Variants in BMP5 observed in about 807,000 individuals in gnomAD.
The protein encoded by BMP5 is bone morphogenetic protein 5.
Under a neutral mutation model 46.6 loss-of-function variants are expected in BMP5, and 23 were observed. The ratio of observed to expected loss-of-function variants is 0.49; its 90% CI spans 0.35 to 0.70. BMP5 has a LOEUF of 0.70. Among genes scored for constraint, BMP5 ranks in the 30% least tolerant of loss-of-function variants. The probability of loss-of-function intolerance (pLI) is 0.00; values close to 1 mark genes in which losing one functional copy is unlikely to be tolerated. For synonymous variants in BMP5, 204 were observed against 191.9 expected, an observed-to-expected ratio of 1.06 and a Z score of -0.52; for missense variants, 545 against 565.6, an observed-to-expected ratio of 0.96 and a Z score of 0.37.
At chr6:55,789,253 G>C (rs1582066088) in intron 3 of BMP5, among the ~76,000 whole-genome samples, 1 of 151,876 alleles carries the variant, frequency 6.6e-6, no homozygotes, top group Admixed American at 6.6e-5. Flanking sequence ...TTCATTCTGA[G>C]TATTGCCAAA....
chr6:55,779,816 C>T (rs1035937763), intron 3 of BMP5, among the ~76,000 whole-genome samples: 4 of 151,976 alleles, frequency 2.6e-5, no homozygotes, highest in African/African-American at 4.8e-5. Flanking sequence ...GTATCACAAA[C>T]AGAAATTTAG....
intron 1 of BMP5, among the ~76,000 whole-genome samples, chr6:55,846,594 G>A (rs1777102872): frequency 6.6e-6 from 1 of 151,772 alleles, no homozygotes; most frequent in African/African-American, 2.4e-5. Flanking sequence ...ACACAAATTA[G>A]TATCCTCTTT....
chr6:55,855,542 G>A (rs1777372765), intron 1 of BMP5, among the ~76,000 whole-genome samples: 2 of 151,968 alleles, frequency 1.3e-5, no homozygotes, highest in Non-Finnish European at 2.9e-5. Context: ...GAAGTTTGTT[G>A]ATTACTTGGT....
At chr6:55,793,794 A>G (rs868661762) in intron 3 of BMP5, among the ~76,000 whole-genome samples, 4 of 152,100 alleles carry the variant, frequency 2.6e-5, no homozygotes, top group African/African-American at 9.7e-5. Context: ...CCCACTTTGT[A>G]TTATTGGTAG....
chr6:55,868,592 T>C (rs1462788253), intron 1 of BMP5, among the ~76,000 whole-genome samples: 1 of 152,220 alleles, frequency 6.6e-6, no homozygotes, highest in Non-Finnish European at 1.5e-5. Context: ...TTTCTCTTTT[T>C]AAACATTGTA....
intron 6 of BMP5, among the ~76,000 whole-genome samples, chr6:55,757,421 T>G (rs780168090): frequency 6.6e-6 from 1 of 152,020 alleles, no homozygotes; most frequent in Non-Finnish European, 1.5e-5. Context: ...CTTCATAGGA[T>G]GAAACAACAG....
At chr6:55,835,713 C>T (rs751379715) in intron 1 of BMP5, among the ~76,000 whole-genome samples, 1 of 152,094 alleles carries the variant, frequency 6.6e-6, no homozygotes, top group Non-Finnish European at 1.5e-5. Flanking sequence ...TTTTTCCTTT[C>T]TGAAATGCCA....
chr6:55,788,358 A>C (rs1488132072), intron 3 of BMP5, among the ~76,000 whole-genome samples: 1 of 151,778 alleles, frequency 6.6e-6, no homozygotes, highest in African/African-American at 2.4e-5. Context: ...CTTTCTTATT[A>C]GTAATTATTT....
intron 1 of BMP5, among the ~76,000 whole-genome samples, chr6:55,840,203 A>G (rs986646360): frequency 3.3e-5 from 5 of 152,032 alleles, no homozygotes; most frequent in African/African-American, 1.2e-4. Context: ...AATTTTTTAT[A>G]TTAACTTTGT....
At chr6:55,766,002 T>A (rs1774908161) in intron 4 of BMP5, among the ~76,000 whole-genome samples, 1 of 152,168 alleles carries the variant, frequency 6.6e-6, no homozygotes, top group African/African-American at 2.4e-5. Flanking sequence ...ATGTTCACTA[T>A]TTTTGTTAAT....
chr6:55,828,608 C>T (rs1776585135), intron 1 of BMP5, among the ~76,000 whole-genome samples: 1 of 151,536 alleles, frequency 6.6e-6, no homozygotes, highest in South Asian at 2.1e-4. Flanking sequence ...TAAAAAATCA[C>T]ATTTTTAGTG....
rs535414595 is a variant in BMP5 at position 55,859,099 on chromosome 6, C to T, written c.490+15277G>A. The stretch of plus-strand genomic sequence containing the variant: ...CTAGGTAACAAACCTGCACGTTCTG[C>T]ACATGACGTGTATCCCACAACTTAA... On this transcript the variant is annotated intron_variant, in intron 1 of 6. Coordinates refer to ENST00000370830, the MANE Select transcript of BMP5 (RefSeq NM_021073.4). 1.2e-4 allele frequency among the ~76,000 whole-genome samples: 18 copies of T among 152,138 alleles called. 1 individual carries two copies. The South Asian group carries it at 2.9e-3, about 25-fold the overall frequency.
In BMP5 at chr6:55,827,628, G is replaced by A. The variant is rs562721396; in HGVS notation, c.491-7781C>T. On this transcript the variant is annotated intron_variant, in intron 1 of 6. Coordinates refer to ENST00000370830, the MANE Select transcript of BMP5 (RefSeq NM_021073.4). ...CAATGCATTCCGAAGTATACACATA[G>A]TTTACTATTGTTTTTATTATGAGCA... Among the ~76,000 whole-genome samples the A allele has an allele frequency of 7.2e-5, 11 of 151,744 alleles. No individual in the cohort carries two copies. The East Asian group carries it at 2.1e-3, about 29-fold the overall frequency.
Position 55,874,911 on chromosome 6 carries a change from C to CT in BMP5, c.-47dup. The CT allele has an allele frequency of 6.5e-7, 1 of 1,534,834 alleles. No homozygotes were observed. Among genetic ancestry groups the CT allele is most frequent in the Admixed American group, 2.1e-5 (1 of 48,548 alleles). On this transcript the variant is annotated 5_prime_UTR_variant, in exon 1 of 7. Coordinates refer to ENST00000370830, the MANE Select transcript of BMP5 (RefSeq NM_021073.4). ...TGATATTTTTAGTCCTTCTTGTCCT[C>CT]TTAAAAAAAAAAAAAACCTAAGGTT...
intron 3 of BMP5, among the ~76,000 whole-genome samples, chr6:55,782,947 C>G (rs926128762): frequency 6.6e-6 from 1 of 152,096 alleles, no homozygotes; most frequent in Non-Finnish European, 1.5e-5. Context: ...CCTCTAAGTA[C>G]ACAGTAGTCC....
intron 1 of BMP5, among the ~76,000 whole-genome samples, chr6:55,867,666 T>G (rs1777682856): frequency 6.6e-6 from 1 of 152,158 alleles, no homozygotes; most frequent in Non-Finnish European, 1.5e-5. Flanking sequence ...TGTAATACTC[T>G]GCTGCCACCA....
At chr6:55,775,834 C>T (rs536439947) in intron 3 of BMP5, among the ~76,000 whole-genome samples, 2 of 151,102 alleles carry the variant, frequency 1.3e-5, no homozygotes, top group East Asian at 3.9e-4. Flanking sequence ...ACAAGACCGT[C>T]AGAAAATGAG....
intron 1 of BMP5, among the ~76,000 whole-genome samples, chr6:55,851,095 T>C (rs576800170): frequency 6.6e-6 from 1 of 151,570 alleles, no homozygotes; most frequent in South Asian, 2.1e-4. Flanking sequence ...AAAATATTAG[T>C]GTTGTGGGTT....
At chr6:55,780,996 G>C (rs1381361145) in intron 3 of BMP5, among the ~76,000 whole-genome samples, 1 of 152,076 alleles carries the variant, frequency 6.6e-6, no homozygotes, top group South Asian at 2.1e-4. Context: ...CAACAAATGT[G>C]TTTTACTTGG....
Sources: allele counts gnomAD v4.1 joint callset (sites outside exome capture counted in the v4.1 genomes callset), GRCh38; gene constraint gnomAD v4.1.1; transcripts MANE v1.5; gene names NCBI Gene and HGNC (gene_info 2026-07-23, HGNC 2026-07-21).